ROBO2: variants seen among roughly 807,000 people sequenced by gnomAD.
ROBO2 encodes roundabout homolog 2.
Under a neutral mutation model 160.8 loss-of-function variants are expected in ROBO2, and 53 were observed. That is an observed-to-expected ratio of 0.33 (90% CI 0.26 to 0.41). ROBO2 has a LOEUF of 0.41. Among genes scored for constraint, ROBO2 ranks in the 10% least tolerant of loss-of-function variants. The probability of loss-of-function intolerance (pLI) is 1.00; values close to 1 mark genes in which losing one functional copy is unlikely to be tolerated. For missense variants in ROBO2, 1,577 were observed against 1,722.4 expected, an observed-to-expected ratio of 0.92 and a Z score of 1.49; for synonymous variants, 664 against 611.7, an observed-to-expected ratio of 1.09 and a Z score of -1.26.
chr3:76,945,099 A>G (rs1457081916), intron 2 of ROBO2, among the ~76,000 whole-genome samples: 1 of 151,966 alleles, frequency 6.6e-6, no homozygotes, highest in South Asian at 2.1e-4. Context: ...TGTGTTAGCC[A>G]GGATGGTCTG....
chr3:77,158,268 G>C (rs1040956960), intron 2 of ROBO2, among the ~76,000 whole-genome samples: 2 of 152,118 alleles, frequency 1.3e-5, no homozygotes, highest in Non-Finnish European at 2.9e-5. Flanking sequence ...ACCTGTCTCA[G>C]TGAGTACGTT....
chr3:76,978,652 C>T (rs1478231582), intron 2 of ROBO2, among the ~76,000 whole-genome samples: 2 of 152,002 alleles, frequency 1.3e-5, no homozygotes, highest in Non-Finnish European at 2.9e-5. Flanking sequence ...ACCAAGTTGT[C>T]TATGTCTCAG....
At chr3:76,834,005 CTT>C (rs1447815862) in intron 2 of ROBO2, among the ~76,000 whole-genome samples, 7 of 106,740 alleles carry the variant, frequency 6.6e-5, no homozygotes, top group Non-Finnish European at 1.4e-4. Context: ...TTCCTTCTTT[CTT>C]TCTTTCCTTT....
intron 2 of ROBO2, among the ~76,000 whole-genome samples, chr3:76,279,278 C>T (rs2107662845): frequency 6.6e-6 from 1 of 151,576 alleles, no homozygotes; most frequent in Non-Finnish European, 1.5e-5. Flanking sequence ...TTAAAAAGAG[C>T]TTGTGTAGGT....
chr3:77,356,402 GA>G (rs1433027238), intron 2 of ROBO2, among the ~76,000 whole-genome samples: 2 of 152,072 alleles, frequency 1.3e-5, no homozygotes, highest in Non-Finnish European at 2.9e-5. Flanking sequence ...GAGAGTAAGA[GA>G]GACTAAATTC....
intron 2 of ROBO2, among the ~76,000 whole-genome samples, chr3:77,449,699 A>T (rs2153560855): frequency 6.6e-6 from 1 of 152,264 alleles, no homozygotes; most frequent in African/African-American, 2.4e-5. Flanking sequence ...CTGTGTGATT[A>T]GGTGTGCTTT....
chr3:76,869,746 A>G (rs2148669340), intron 2 of ROBO2, among the ~76,000 whole-genome samples: 1 of 152,248 alleles, frequency 6.6e-6, no homozygotes, highest in South Asian at 2.1e-4. Context: ...CTGCATTTAT[A>G]TTGAAAAAAG....
chr3:76,835,404 AATATATAAT>A (rs958968231), intron 2 of ROBO2, among the ~76,000 whole-genome samples: 11 of 147,506 alleles, frequency 7.5e-5, no homozygotes, highest in Admixed American at 1.4e-4. Flanking sequence ...TATATATAAT[AATATATAAT>A]ATATATAATA....
intron 2 of ROBO2, among the ~76,000 whole-genome samples, chr3:76,251,098 C>CTTTTGATTAAGTGG (rs1400834110): frequency 6.6e-6 from 1 of 151,926 alleles, no homozygotes; most frequent in Non-Finnish European, 1.5e-5. Flanking sequence ...ATCAGTGGCA[C>CTTTTGATTAAGTGG]CCTTCCTACC....
chr3:76,149,232 A>G (rs1279919388), intron 2 of ROBO2, among the ~76,000 whole-genome samples: 1 of 152,054 alleles, frequency 6.6e-6, no homozygotes, highest in African/African-American at 2.4e-5. Flanking sequence ...CCTAATCCAA[A>G]CTTGCAGACC....
chr3:77,074,148 A>G (rs967245604), intron 1 of ROBO2, among the ~76,000 whole-genome samples: 2 of 152,190 alleles, frequency 1.3e-5, no homozygotes, highest in African/African-American at 4.8e-5. Context: ...TATAAATGAA[A>G]ATTTACATTT....
At chr3:76,069,579 T>C (rs1481708677) in intron 2 of ROBO2, among the ~76,000 whole-genome samples, 1 of 151,338 alleles carries the variant, frequency 6.6e-6, no homozygotes, top group Non-Finnish European at 1.5e-5. Context: ...GGGTCTTAAA[T>C]AACTGACTTA....
At chr3:76,610,057 G>A (rs766131256) in intron 2 of ROBO2, among the ~76,000 whole-genome samples, 5 of 152,092 alleles carry the variant, frequency 3.3e-5, no homozygotes, top group Non-Finnish European at 5.9e-5. Context: ...AATAAATCCC[G>A]CTTGGTCATG....
chr3:77,610,741 C>CAAAAACAA (rs2094613881), intron 21 of ROBO2, among the ~76,000 whole-genome samples: 1 of 19,826 alleles, frequency 5.0e-5, no homozygotes, highest in African/African-American at 1.5e-4. Flanking sequence ...GGCCAAAGAC[C>CAAAAACAA]AAAAAAAAAA....
rs528431196 is a variant in ROBO2, at chr3:77,369,648, C to A, written c.389-107766C>A. ...GAAATAAGGGGATAATTTGTGCTCC[C>A]AATTAAAGTTTTTTGGACTCTTGAT... On this transcript the variant is annotated intron_variant, in intron 2 of 25. Coordinates refer to ENST00000461745, the Ensembl canonical transcript of ROBO2. Among the ~76,000 whole-genome samples the A allele has an allele frequency of 5.3e-5, 8 of 152,184 alleles. No individual in the cohort carries two copies. In the South Asian group the frequency reaches 1.5e-3, roughly 28 times the overall value.
intron 2 of ROBO2, among the ~76,000 whole-genome samples, chr3:76,825,058 G>A (rs1344754068): frequency 6.6e-6 from 1 of 152,154 alleles, no homozygotes; most frequent in Non-Finnish European, 1.5e-5. Flanking sequence ...ATGACTCAGT[G>A]TCTCCTCTCC....
chr3:76,888,769 G>A (rs1577275434), intron 2 of ROBO2, among the ~76,000 whole-genome samples: 1 of 152,124 alleles, frequency 6.6e-6, no homozygotes, highest in Admixed American at 6.5e-5. Context: ...ATCAGTACTA[G>A]CAAGAGTTAA....
chr3:77,572,636 AACAC>A (rs71104692), intron 13 of ROBO2, among the ~76,000 whole-genome samples: 4,189 of 146,324 alleles, frequency 0.029, 195 homozygotes, highest in African/African-American at 0.097. Flanking sequence ...CGTACATAGA[AACAC>A]ACACACACAC....
chr3:77,312,249 A>G (rs1038988816), intron 2 of ROBO2, among the ~76,000 whole-genome samples: 2 of 152,170 alleles, frequency 1.3e-5, no homozygotes, highest in African/African-American at 2.4e-5. Flanking sequence ...AGTTTTGTTT[A>G]TTGAGTATTT....
Sources: allele counts gnomAD v4.1 joint callset (sites outside exome capture counted in the v4.1 genomes callset), GRCh38; gene constraint gnomAD v4.1.1; transcripts MANE v1.5; gene names NCBI Gene and HGNC (gene_info 2026-07-23, HGNC 2026-07-21).